CEP43: variants seen among roughly 807,000 people sequenced by gnomAD.
CEP43 encodes centrosomal protein 43, also known as FGFR1 oncogene partner.
Under a neutral mutation model 52.6 loss-of-function variants are expected in CEP43, and 36 were observed. The observed-to-expected ratio is 0.68, with a 90% confidence interval of 0.52 to 0.90. The LOEUF is 0.90. CEP43 is among the 40% of genes least tolerant of loss of function. The pLI, the probability that CEP43 is intolerant of heterozygous loss-of-function variation, is 0.00. For synonymous variants in CEP43, 192 were observed against 172.4 expected, an observed-to-expected ratio of 1.11 and a Z score of -0.89; for missense variants, 506 against 472.8, an observed-to-expected ratio of 1.07 and a Z score of -0.65.
chr6:167,013,157 G>A (rs983217173), intron 6 of CEP43, among the ~76,000 whole-genome samples: 14 of 152,302 alleles, frequency 9.2e-5, no homozygotes, highest in African/African-American at 3.4e-4. Flanking sequence ...AAGGTCAGAT[G>A]AGGTCAGGAC....
intron 5 of CEP43, 81 bp downstream of exon 5, chr6:167,004,482 T>A: frequency 8.5e-7 from 1 of 1,181,898 alleles, no homozygotes; most frequent in Non-Finnish European, 1.1e-6. Context: ...GCATATATAG[T>A]AAATTAAGGT....
intron 2 of CEP43, 46 bp downstream of exon 2, chr6:167,000,159 A>G: frequency 1.5e-6 from 2 of 1,374,142 alleles, no homozygotes; most frequent in South Asian, 1.2e-5. Context: ...GTTAATACTT[A>G]ATTTCTTATT....
Position 167,033,864 on chromosome 6 carries a change from T to C in CEP43, c.1029-11T>C. 7.0e-7 allele frequency: 1 copy of C among 1,430,752 alleles called. No homozygotes were observed. Among genetic ancestry groups the C allele is most frequent in the Non-Finnish European group, 9.7e-7 (1 of 1,036,212 alleles). The allele number at this position is 1,430,752 out of a possible 1,614,324, so 88.6% of individuals were successfully genotyped here. A position where few individuals can be genotyped will look rare whatever the true frequency, so the allele number is the denominator to read the frequency against. ...CAGAGTTCTTATTTTTTTTTCCCCT[T>C]CTGAAATTAGTACCAGCCATCGCTC... On this transcript the variant is annotated splice_polypyrimidine_tract_variant and intron_variant, in intron 11 of 12. Transcript: ENST00000366847.
chr6:167,011,386 G>A (rs975251892), intron 6 of CEP43, among the ~76,000 whole-genome samples: 2 of 152,084 alleles, frequency 1.3e-5, no homozygotes, highest in Non-Finnish European at 2.9e-5. Context: ...GGTTACATTT[G>A]TGTGTGTATG....
chr6:167,023,536 G>A (rs771464279), intron 8 of CEP43, among the ~76,000 whole-genome samples: 3 of 152,206 alleles, frequency 2.0e-5, no homozygotes, highest in African/African-American at 4.8e-5. Context: ...AAGATTGCTA[G>A]TGGAAATCCA....
chr6:167,004,499 A>G (rs1184626181), intron 5 of CEP43, 98 bp downstream of exon 5: 2 of 1,015,302 alleles, frequency 2.0e-6, no homozygotes, highest in African/African-American at 1.7e-5. Context: ...AGGTTTTCAT[A>G]CTAGAAGATA....
intron 2 of CEP43, among the ~76,000 whole-genome samples, chr6:167,001,052 C>A (rs1355657773): frequency 6.6e-6 from 1 of 152,180 alleles, no homozygotes; most frequent in Non-Finnish European, 1.5e-5. Flanking sequence ...TTCTATGTCA[C>A]CCCTGCTTCC....
At position 167,031,242 on chromosome 6, in the gene CEP43, A is replaced by T. The variant is rs73789744; in HGVS notation, c.989-1361A>T. 9.4e-3 allele frequency among the ~76,000 whole-genome samples: 1,431 copies of T among 151,622 alleles called. 22 individuals carry two copies. The highest frequency in any genetic ancestry group is 0.033 in the African/African-American group (1,349 of 41,320). On this transcript the variant is annotated intron_variant, in intron 10 of 12. Transcript: ENST00000366847. The stretch of plus-strand genomic sequence containing the variant: ...GGCTGCACTGGTGGTTTTTCAAACC[A>T]CCGCACCCTCCCCCACCTCAGGGCC...
At chr6:167,016,164 TA>T (rs1780093831) in intron 7 of CEP43, among the ~76,000 whole-genome samples, 1 of 152,238 alleles carries the variant, frequency 6.6e-6, no homozygotes, top group Admixed American at 6.5e-5. Context: ...GTAAGATCTA[TA>T]TTTTTTTGTT....
chr6:167,025,378 A>T (rs1562530289), intron 9 of CEP43, among the ~76,000 whole-genome samples: 1 of 152,228 alleles, frequency 6.6e-6, no homozygotes, highest in African/African-American at 2.4e-5. Context: ...CTGGTTACAC[A>T]TGGAATAGTC....
In CEP43 at chr6:167,040,069, C is replaced by T. The variant is rs1207431585; in HGVS notation, c.*91C>T. On this transcript the variant is annotated 3_prime_UTR_variant, in exon 13 of 13. Transcript: ENST00000366847. ...CCAGACAATCACTCAGCTGGAATGT[C>T]TGCTCTCTATTGGTGCCTTGCATTT... 20 of 1,609,352 alleles carry T rather than the reference C, an allele frequency of 1.2e-5. No homozygotes were observed. Among genetic ancestry groups the T allele is most frequent in the Non-Finnish European group, 1.7e-5 (20 of 1,177,442 alleles).
In CEP43 at chr6:167,050,805, G is replaced by C. The variant is rs202203375; in HGVS notation, c.*10827G>C. ...AGAAAAAAAAAAAAAAAAAAAAAAA[G>C]AAAGAAAATGAGACATTGGATTTGT... On this transcript the variant is annotated 3_prime_UTR_variant, in exon 13 of 13. Transcript: ENST00000366847. 10 of 123,598 alleles carry C rather than the reference G, an allele frequency of 8.1e-5. No homozygotes were observed. The highest frequency in any genetic ancestry group is 3.1e-4 in the African/African-American group (10 of 32,756). 7.7% of individuals were successfully genotyped at this position (123,598 alleles called of 1,614,324 possible).
intron 5 of CEP43, among the ~76,000 whole-genome samples, chr6:167,009,688 T>A (rs1167411766): frequency 3.4e-5 from 5 of 146,296 alleles, no homozygotes; most frequent in Non-Finnish European, 1.5e-5. Context: ...AAAAAAAAGT[T>A]AGTTGGGTGC....
At chr6:167,013,339 C>G (rs1780025025) in intron 6 of CEP43, among the ~76,000 whole-genome samples, 169 bp from the exon 7 acceptor site, 1 of 152,042 alleles carries the variant, frequency 6.6e-6, no homozygotes, top group African/African-American at 2.4e-5. Flanking sequence ...GTAGATCACT[C>G]TAGGAATAGT....
chr6:167,010,970 CT>C, intron 6 of CEP43, 77 bp downstream of exon 6: 1 of 777,734 alleles, frequency 1.3e-6, no homozygotes, highest in African/African-American at 1.8e-5. Context: ...TCTAGTCTTT[CT>C]TGTTACAAGT....
At chr6:167,004,604 G>A (rs1447372399) in intron 5 of CEP43, among the ~76,000 whole-genome samples, 1 of 76,644 alleles carries the variant, frequency 1.3e-5, no homozygotes, top group African/African-American at 4.7e-5. Flanking sequence ...TGGCATATCT[G>A]TTCTGGTTTT....
At position 167,041,585 on chromosome 6, in the gene CEP43, C is replaced by T. The variant is rs1456933882; in HGVS notation, c.*1607C>T. On this transcript the variant is annotated 3_prime_UTR_variant, in exon 13 of 13. Coordinates refer to ENST00000366847, the MANE Select transcript of CEP43 (RefSeq NM_007045.4). ...CTAAAAGCACTATAGTTCTGGTCCC[C>T]TGGAATCTGGATCACATGTATGATT... 4 of 1,047,680 alleles carry T rather than the reference C, an allele frequency of 3.8e-6. No individual in the cohort carries two copies. In the African/African-American group the frequency reaches 6.7e-5, roughly 17 times the overall value. The allele number at this position is 1,047,680 out of a possible 1,614,324, so 64.9% of individuals were successfully genotyped here.
rs1476023142 is a variant in CEP43 at position 167,041,882 on chromosome 6, G to A, written c.*1904G>A. On this transcript the variant is annotated 3_prime_UTR_variant, in exon 13 of 13. Coordinates refer to ENST00000366847, the MANE Select transcript of CEP43 (RefSeq NM_007045.4). ...TGTGTCACTCAGACTGGAGTACAGTGATGCGATCTCGGCTCACTGCAACCT... is the reference window on the plus strand; with the variant it reads ...TGTGTCACTCAGACTGGAGTACAGTAATGCGATCTCGGCTCACTGCAACCT... The A allele has an allele frequency of 3.5e-6, 3 of 858,382 alleles. No individual in the cohort carries two copies. Among genetic ancestry groups the A allele is most frequent in the Non-Finnish European group, 2.8e-6 (2 of 706,186 alleles). 53.2% of individuals were successfully genotyped at this position (858,382 alleles called of 1,614,324 possible).
intron 7 of CEP43, 144 bp downstream of exon 7, chr6:167,013,711 C>T (rs554996802): frequency 9.8e-5 from 62 of 629,956 alleles, no homozygotes; most frequent in Non-Finnish European, 1.5e-4. Context: ...AGGTGGCTCA[C>T]GCCTGTAATC....
Sources: gnomAD v4.1 joint callset for allele counts (sites outside exome capture counted in the v4.1 genomes callset) on GRCh38, gnomAD v4.1.1 for gene constraint, MANE v1.5 for transcripts, NCBI Gene and HGNC (gene_info 2026-07-23, HGNC 2026-07-21) for gene names.